The following SLC24A3 variants were observed in gnomAD, a reference collection of about 807,000 sequenced individuals.
The protein encoded by SLC24A3 is solute carrier family 24 member 3, also known as sodium/potassium/calcium exchanger 3.
SLC24A3 carries 28 observed loss-of-function variants against 75.8 expected under a neutral mutation model. That is an observed-to-expected ratio of 0.37 (90% CI 0.27 to 0.51). The LOEUF (loss-of-function observed/expected upper bound fraction) is 0.51. SLC24A3 is among the 20% of genes least tolerant of loss of function. The pLI, the probability that SLC24A3 is intolerant of heterozygous loss-of-function variation, is 0.94. For missense variants in SLC24A3, 663 were observed against 847.8 expected (o/e 0.78, Z 2.71); for synonymous variants, 372 against 334.1 (o/e 1.11, Z -1.24).
chr20:19,242,506 C>T (rs1055993751), intron 1 of SLC24A3: 1 of 152,136 alleles, frequency 6.6e-6, no homozygotes, highest in Non-Finnish European at 1.5e-5. Context: ...GTTTTCCACA[C>T]GTGGCTGTAA....
At position 19,461,039 on chromosome 20, in the gene SLC24A3, A is replaced by G. The variant is rs564353094; in HGVS notation, c.272-54449A>G. 3.9e-5 allele frequency among the ~76,000 whole-genome samples: 6 copies of G among 152,342 alleles called. No homozygotes were observed. The East Asian group carries it at 1.2e-3, about 29-fold the overall frequency. On this transcript the variant is annotated intron_variant, in intron 2 of 16. Transcript: ENST00000328041. ...GCGGAGGGATTGGGGGCATCTTCCCATAGCACATTGAGGTCTCCAGTTTCT... is the reference window on the plus strand; with the variant it reads ...GCGGAGGGATTGGGGGCATCTTCCCGTAGCACATTGAGGTCTCCAGTTTCT...
intron 2 of SLC24A3, among the ~76,000 whole-genome samples, chr20:19,350,018 ACCTCG>A (rs1258751616): frequency 6.6e-6 from 1 of 152,226 alleles, no homozygotes; most frequent in East Asian, 1.9e-4. Flanking sequence ...TGAGACGCAA[ACCTCG>A]AGAGCACGGG....
chr20:19,479,613 G>A (rs866463620), intron 2 of SLC24A3, among the ~76,000 whole-genome samples: 1 of 152,226 alleles, frequency 6.6e-6, no homozygotes. Context: ...AAGATTAGCT[G>A]TGTGAGTGAG....
chr20:19,451,349 G>A (rs955100718), intron 2 of SLC24A3, among the ~76,000 whole-genome samples: 6 of 152,274 alleles, frequency 3.9e-5, no homozygotes, highest in Admixed American at 6.5e-5. Context: ...AACATCTTAC[G>A]TCTCTGGGGT....
At chr20:19,230,251 C>T (rs551423334) in intron 1 of SLC24A3, among the ~76,000 whole-genome samples, 15 of 152,220 alleles carry the variant, frequency 9.9e-5, no homozygotes, top group African/African-American at 3.6e-4. Flanking sequence ...GTGAGCATCG[C>T]TTATGCTGAA....
intron 2 of SLC24A3, among the ~76,000 whole-genome samples, chr20:19,462,355 G>C (rs1019965638): frequency 9.9e-5 from 15 of 152,050 alleles, no homozygotes; most frequent in African/African-American, 2.9e-4. Context: ...CACCTCCTGG[G>C]TTCACGCCAT....
At chr20:19,321,346 G>A (rs1984702306) in intron 2 of SLC24A3, among the ~76,000 whole-genome samples, 1 of 152,248 alleles carries the variant, frequency 6.6e-6, no homozygotes, top group African/African-American at 2.4e-5. Context: ...CGAACACAGC[G>A]ATTACTCATT....
At chr20:19,613,817 G>A (rs2031701759) in intron 6 of SLC24A3, among the ~76,000 whole-genome samples, 1 of 152,182 alleles carries the variant, frequency 6.6e-6, no homozygotes, top group Non-Finnish European at 1.5e-5. Context: ...GGCTTCCTTG[G>A]TTTGCGTAGC....
chr20:19,222,050 C>A (rs1255406251), intron 1 of SLC24A3, among the ~76,000 whole-genome samples: 1 of 152,058 alleles, frequency 6.6e-6, no homozygotes, highest in East Asian at 1.9e-4. Flanking sequence ...TCCTTTTGCT[C>A]TAATTTCTAT....
intron 3 of SLC24A3, among the ~76,000 whole-genome samples, chr20:19,542,047 C>T (rs895092335): frequency 6.6e-6 from 1 of 152,122 alleles, no homozygotes; most frequent in African/African-American, 2.4e-5. Context: ...ATTATCAAAT[C>T]AAATGAAGGG....
chr20:19,598,591 A>G (rs900191292), intron 6 of SLC24A3, among the ~76,000 whole-genome samples: 3 of 152,076 alleles, frequency 2.0e-5, no homozygotes, highest in Non-Finnish European at 4.4e-5. Context: ...TGCTTTATTT[A>G]CTTGTGACTT....
chr20:19,642,322 A>T (rs1273139871), intron 6 of SLC24A3, among the ~76,000 whole-genome samples: 1 of 152,206 alleles, frequency 6.6e-6, no homozygotes, highest in East Asian at 1.9e-4. Flanking sequence ...TTCATTCCGA[A>T]ATCTTAGGAT....
chr20:19,212,643 A>T lies in SLC24A3; in HGVS notation c.-200A>T. ...GAGGGAGGGGAGGAGGGACTGGGCG[A>T]TAGCGACGAGGAGGGCGACGACGAG... On this transcript the variant is annotated 5_prime_UTR_variant, in exon 1 of 17. Coordinates refer to ENST00000328041, the MANE Select transcript of SLC24A3 (RefSeq NM_020689.4). 1 of 191,878 alleles carries T rather than the reference A, an allele frequency of 5.2e-6. No individual in the cohort carries two copies. The highest frequency in any genetic ancestry group is 9.4e-6 in the Non-Finnish European group (1 of 106,802). 11.9% of individuals were successfully genotyped at this position (191,878 alleles called of 1,614,324 possible).
intron 7 of SLC24A3, among the ~76,000 whole-genome samples, chr20:19,663,288 CT>C (rs1337031332): frequency 3.3e-5 from 5 of 150,728 alleles, no homozygotes; most frequent in African/African-American, 1.2e-4. Flanking sequence ...TTTCATTGTT[CT>C]TTTCTGAGTC....
chr20:19,231,926 C>A (rs947506357), intron 1 of SLC24A3, among the ~76,000 whole-genome samples: 2 of 152,184 alleles, frequency 1.3e-5, no homozygotes, highest in Non-Finnish European at 2.9e-5. Context: ...TTGTCACCCT[C>A]CCCTAGCTAG....
intron 2 of SLC24A3, among the ~76,000 whole-genome samples, chr20:19,295,089 C>T (rs563970314): frequency 2.6e-5 from 4 of 152,028 alleles, no homozygotes; most frequent in African/African-American, 4.8e-5. Context: ...GTTTGTTGGC[C>T]GTACAAATGT....
chr20:19,303,770 A>G (rs992097367), intron 2 of SLC24A3, among the ~76,000 whole-genome samples: 4 of 152,206 alleles, frequency 2.6e-5, no homozygotes, highest in Non-Finnish European at 4.4e-5. Flanking sequence ...AGGATGAGAA[A>G]AAACTCATGC....
At chr20:19,348,126 G>A (rs1012751686) in intron 2 of SLC24A3, among the ~76,000 whole-genome samples, 11 of 152,322 alleles carry the variant, frequency 7.2e-5, no homozygotes, top group South Asian at 6.2e-4. Context: ...CTTGCTCCCC[G>A]AGGATGTCTG....
intron 1 of SLC24A3, among the ~76,000 whole-genome samples, chr20:19,269,410 A>C (rs901962079): frequency 6.6e-6 from 1 of 152,234 alleles, no homozygotes; most frequent in Non-Finnish European, 1.5e-5. Flanking sequence ...ATTCCCTGGC[A>C]TGTTAGATCT....
Sources: gnomAD v4.1 joint callset for allele counts (sites outside exome capture counted in the v4.1 genomes callset) on GRCh38, gnomAD v4.1.1 for gene constraint, MANE v1.5 for transcripts, NCBI Gene and HGNC (gene_info 2026-07-23, HGNC 2026-07-21) for gene names.